PLXND1: variants seen among roughly 807,000 people sequenced by gnomAD.
PLXND1 encodes plexin-D1.
A neutral mutation model predicts 197.7 loss-of-function variants in PLXND1; 54 were observed. The observed-to-expected ratio is 0.27, with a 90% CI of 0.22 to 0.34. PLXND1 has a LOEUF of 0.34. Among genes scored for constraint, PLXND1 ranks in the 10% least tolerant of loss-of-function variants. PLXND1 has a pLI of 1.00. For missense variants in PLXND1, 2,127 were observed against 2,699.2 expected, an observed-to-expected ratio of 0.79 and a Z score of 4.70; for synonymous variants, 1,180 against 1,161.2, an observed-to-expected ratio of 1.02 and a Z score of -0.33.
chr3:129,557,294 G>A lies in PLXND1; in HGVS notation c.5446-71C>T. Reference sequence around the variant, plus strand: ...ACGGATCTGGTCGTTTTCTGGATGAGCCCTCATCCCTCCTGCCACATAAGT... The same window carrying A: ...ACGGATCTGGTCGTTTTCTGGATGAACCCTCATCCCTCCTGCCACATAAGT... On this transcript the variant is annotated intron_variant, in intron 33 of 35. Coordinates refer to ENST00000324093, the MANE Select transcript of PLXND1 (RefSeq NM_015103.3). The surrounding 1 kb of genome is among the most constrained non-coding windows in gnomAD (Gnocchi z 4.8). The A allele has an allele frequency of 6.4e-7, 1 of 1,562,992 alleles. No individual in the cohort carries two copies. Among genetic ancestry groups the A allele is most frequent in the Non-Finnish European group, 8.8e-7 (1 of 1,139,266 alleles).
At chr3:129,586,445 G>T in intron 3 of PLXND1, 143 bp downstream of exon 3, 1 of 1,128,638 alleles carries the variant, frequency 8.9e-7, no homozygotes. Flanking sequence ...GGTGTTGGGA[G>T]GCGCAGGACA....
At chr3:129,567,404 G>A (rs1370024382) in intron 22 of PLXND1, 88 bp downstream of exon 22, 2 of 776,644 alleles carry the variant, frequency 2.6e-6, no homozygotes, top group African/African-American at 3.4e-5. Flanking sequence ...ACTGCTCAAG[G>A]GACCCTATAG....
chr3:129,572,835 C>G lies in PLXND1; in HGVS notation c.2937+7G>C, dbSNP rs770460856. ...GGGCCGGACAGTGGGCTGCAGCCCCCCCTTACCACGTAGGAGAAGCGGTCC... is the reference window on the plus strand; with the variant it reads ...GGGCCGGACAGTGGGCTGCAGCCCCGCCTTACCACGTAGGAGAAGCGGTCC... On this transcript the variant is annotated splice_region_variant and intron_variant, in intron 14 of 35. Transcript: ENST00000324093. 17 of 1,613,478 alleles carry G rather than the reference C, an allele frequency of 1.1e-5. No individual in the cohort carries two copies. Among genetic ancestry groups the G allele is most frequent in the Non-Finnish European group, 3.4e-6 (4 of 1,179,620 alleles).
At chr3:129,559,417 A>G (rs1419318813) in intron 32 of PLXND1, 4 of 516,686 alleles carry the variant, frequency 7.7e-6, no homozygotes, top group Non-Finnish European at 1.4e-5. Flanking sequence ...GTTAATTCCC[A>G]CCATTAACAT....
rs779593197 is a variant in PLXND1, at chr3:129,575,841, C to G, written c.2361G>C (p.Glu787Asp). 5 of 1,611,640 alleles carry G rather than the reference C, an allele frequency of 3.1e-6. No individual in the cohort carries two copies. In the South Asian group the frequency reaches 3.3e-5, roughly 11 times the overall value. The change falls in exon 10 of 36, where the codon GAG becomes GAC. Residue 787 changes from glutamate to aspartate, a missense_variant. Physicochemically the swap from Glu to Asp is conservative, Grantham distance 45. This residue lies in a region of PLXND1 where 1,095 missense variants were observed against 1,259.8 expected (regional missense o/e 0.87). Coordinates refer to ENST00000324093, the MANE Select transcript of PLXND1 (RefSeq NM_015103.3). ...AGATCTCCTCCAGCCCAAAACTACA[C>G]TCCAGGGCTGCACCCTGTGGGAAAC... ...NTAFFQGAAL[E>D]CSFGLEEIFE...
chr3:129,601,276 C>G (rs913528083), intron 1 of PLXND1, among the ~76,000 whole-genome samples: 1 of 152,172 alleles, frequency 6.6e-6, no homozygotes, highest in African/African-American at 2.4e-5. Context: ...CTGCGGGGAC[C>G]GAGGTTCTCT....
intron 1 of PLXND1, among the ~76,000 whole-genome samples, chr3:129,603,147 C>T (rs1294874513): frequency 1.3e-5 from 2 of 152,178 alleles, no homozygotes; most frequent in African/African-American, 2.4e-5. Flanking sequence ...GCGGGCACGG[C>T]GAAGAGGAGA....
chr3:129,560,980 C>T (rs775543614), intron 29 of PLXND1: 14 of 626,464 alleles, frequency 2.2e-5, no homozygotes, highest in Admixed American at 8.4e-5. Context: ...TAAGTGAGAT[C>T]CAGAGACACA....
chr3:129,558,397 T>TGGGCC lies in PLXND1; in HGVS notation c.5445+26_5445+30dup. On this transcript the variant is annotated intron_variant, in intron 33 of 35. Transcript: ENST00000324093. This position sits in a 1 kb window ranked among gnomAD's most constrained non-coding sequence, Gnocchi z 4.1. Reference sequence around the variant, plus strand: ...CGGCACCCCACTCTGGCCCTGTGCATGGGCCTGGCCTGGTCCTGGGAACAG... The same window carrying TGGGCC: ...CGGCACCCCACTCTGGCCCTGTGCATGGGCCGGGCCTGGCCTGGTCCTGGGAACAG... 6.2e-7 allele frequency: 1 copy of TGGGCC among 1,602,698 alleles called. No individual in the cohort carries two copies. The highest frequency in any genetic ancestry group is 8.5e-7 in the Non-Finnish European group (1 of 1,172,832).
In PLXND1 at chr3:129,577,445, C is replaced by T. The variant is rs2085329184; in HGVS notation, c.2346+884G>A. 6.6e-6 allele frequency among the ~76,000 whole-genome samples: 1 copy of T among 151,636 alleles called. No individual in the cohort carries two copies. The highest frequency in any genetic ancestry group is 6.6e-5 in the Admixed American group (1 of 15,260). On this transcript the variant is annotated intron_variant, in intron 9 of 35. Coordinates refer to ENST00000324093, the MANE Select transcript of PLXND1 (RefSeq NM_015103.3). This position sits in a 1 kb window ranked among gnomAD's most constrained non-coding sequence, Gnocchi z 5.0. ...CTGGCTGATCCTGGAGGCGCTTGCCCCAACTCCTGCAGGGTGGGGCTTGAG... is the reference window on the plus strand; with the variant it reads ...CTGGCTGATCCTGGAGGCGCTTGCCTCAACTCCTGCAGGGTGGGGCTTGAG...
rs2085329285 is a variant in PLXND1, at chr3:129,577,452, C to T, written c.2346+877G>A. Among the ~76,000 whole-genome samples, 1 of 151,726 alleles carries T rather than the reference C, an allele frequency of 6.6e-6. No individual in the cohort carries two copies. Among genetic ancestry groups the T allele is most frequent in the Non-Finnish European group, 1.5e-5 (1 of 67,822 alleles). On this transcript the variant is annotated intron_variant, in intron 9 of 35. Transcript: ENST00000324093. The surrounding 1 kb of genome is among the most constrained non-coding windows in gnomAD (Gnocchi z 5.0). ...ATCCTGGAGGCGCTTGCCCCAACTC[C>T]TGCAGGGTGGGGCTTGAGGGCTGAG... is the stretch of plus-strand genomic sequence containing the variant.
intron 24 of PLXND1, 57 bp downstream of exon 24, chr3:129,565,830 G>C: frequency 6.3e-7 from 1 of 1,580,762 alleles, no homozygotes; most frequent in Non-Finnish European, 8.7e-7. Flanking sequence ...ACCTGATGCT[G>C]TGTGGCCTTG....
chr3:129,574,484 A>C lies in PLXND1; in HGVS notation c.2537T>G (p.Val846Gly). Residue 846 changes from valine to glycine, a missense_variant, in exon 12 of 36, where the codon GTC becomes GGC. Transcript: ENST00000324093. ...LDSPEPMTVM[V>G]YNCAMGSPDC... is the part of the protein sequence containing the mutation. Reference sequence around the variant, plus strand: ...GGGGCTGCCCATGGCACAGTTATAGACCATGACTGGGGAGACACGGGGCAG... The same window carrying C: ...GGGGCTGCCCATGGCACAGTTATAGCCCATGACTGGGGAGACACGGGGCAG... The C allele has an allele frequency of 1.2e-6, 2 of 1,612,612 alleles. No homozygotes were observed. Among genetic ancestry groups the C allele is most frequent in the Non-Finnish European group, 1.7e-6 (2 of 1,179,638 alleles).
rs1313470438 is a variant in PLXND1, at chr3:129,605,296, GCCGCCGCCGCCGCCGCCA to G, written c.1311+15_1311+32del. On this transcript the variant is annotated intron_variant, in intron 1 of 35. Coordinates refer to ENST00000324093, the MANE Select transcript of PLXND1 (RefSeq NM_015103.3). The stretch of plus-strand genomic sequence containing the variant: ...CCCCGCCCCCGCCCCCGCCGCCGCC[GCCGCCGCCGCCGCCGCCA>G]CCGCCCGGGTGTACCTGGATGTTGA... The G allele has an allele frequency of 1.1e-6, 1 of 927,766 alleles. No individual in the cohort carries two copies. The highest frequency in any genetic ancestry group is 1.4e-6 in the Non-Finnish European group (1 of 723,714). The allele number at this position is 927,766 out of a possible 1,614,324, so 57.5% of individuals were successfully genotyped here.
intron 20 of PLXND1, among the ~76,000 whole-genome samples, chr3:129,568,612 G>A (rs945822500): frequency 5.3e-5 from 8 of 152,078 alleles, no homozygotes; most frequent in African/African-American, 9.7e-5. Context: ...ACAGTGGCGC[G>A]ATCACATCTC....
intron 7 of PLXND1, 58 bp from the exon 8 acceptor site, chr3:129,583,727 C>T: frequency 8.6e-7 from 1 of 1,162,508 alleles, no homozygotes. Context: ...TCATCCCTGT[C>T]CCAGGAACTA....
Position 129,558,641 on chromosome 3 carries a change from TGGA to T in PLXND1, c.5298-69_5298-67del. 1.3e-6 allele frequency: 2 copies of T among 1,496,304 alleles called. No individual in the cohort carries two copies. Among genetic ancestry groups the T allele is most frequent in the Non-Finnish European group, 9.2e-7 (1 of 1,085,526 alleles). The allele number at this position is 1,496,304 out of a possible 1,614,324, so 92.7% of individuals were successfully genotyped here. A position where few individuals can be genotyped will look rare whatever the true frequency, so the allele number is the denominator to read the frequency against. On this transcript the variant is annotated intron_variant, in intron 32 of 35. Coordinates refer to ENST00000324093, the MANE Select transcript of PLXND1 (RefSeq NM_015103.3). The surrounding 1 kb of genome is among the most constrained non-coding windows in gnomAD (Gnocchi z 4.1). The stretch of plus-strand genomic sequence containing the variant: ...GTAGGAAGCAGTCGAGGGACAGTTG[TGGA>T]GGAGAGAGCTGGCTTTGTCCCTCAA...
rs1035869927 is a variant in PLXND1 at position 129,589,638 on chromosome 3, C to A, written c.1312-111G>T. On this transcript the variant is annotated intron_variant, in intron 1 of 35. Coordinates refer to ENST00000324093, the MANE Select transcript of PLXND1 (RefSeq NM_015103.3). Reference sequence around the variant, plus strand: ...GGCATCAGAGCTTTCAAGTCTTGTTCCTACTTTATATCCTCAGTGCTCAGC... The same window carrying A: ...GGCATCAGAGCTTTCAAGTCTTGTTACTACTTTATATCCTCAGTGCTCAGC... 12 of 945,598 alleles carry A rather than the reference C, an allele frequency of 1.3e-5. No homozygotes were observed. The African/African-American group carries it at 2.0e-4, about 16-fold the overall frequency. The allele number at this position is 945,598 out of a possible 1,614,324, so 58.6% of individuals were successfully genotyped here.
At chr3:129,594,978 G>A (rs2085598877) in intron 1 of PLXND1, among the ~76,000 whole-genome samples, 1 of 151,982 alleles carries the variant, frequency 6.6e-6, no homozygotes. Context: ...CTGGGCCCTT[G>A]AAGCCCCACT....
Sources: allele counts gnomAD v4.1 joint callset (sites outside exome capture counted in the v4.1 genomes callset), GRCh38; gene constraint gnomAD v4.1.1; regional missense constraint gnomAD v4.1.1; non-coding constraint Gnocchi (gnomAD v3.1); transcripts MANE v1.5; gene names NCBI Gene and HGNC (gene_info 2026-07-23, HGNC 2026-07-21).